The following DYM variants were observed in gnomAD, a reference collection of about 807,000 sequenced individuals.
The protein encoded by DYM is dymeclin.
A neutral mutation model predicts 93.1 loss-of-function variants in DYM; 78 were observed. The ratio of observed to expected loss-of-function variants is 0.84; its 90% CI spans 0.70 to 1.01. DYM has a LOEUF of 1.01. DYM is among the 50% of genes least tolerant of loss of function. The pLI, the probability that DYM is intolerant of heterozygous loss-of-function variation, is 0.00. For missense variants in DYM, 789 were observed against 845.0 expected (o/e 0.93, Z 0.82); for synonymous variants, 321 against 319.7 (o/e 1.00, Z -0.04).
chr18:49,365,045 C>T (rs992860439), intron 5 of DYM, among the ~76,000 whole-genome samples: 1 of 152,074 alleles, frequency 6.6e-6, no homozygotes, highest in African/African-American at 2.4e-5. Context: ...AGGATGATGA[C>T]TCACAAAGAG....
Position 49,192,473 on chromosome 18 carries a change from T to C in DYM, c.1625+17078A>G, listed in dbSNP as rs536058649. ...TAGGTGGTGTGAGGTAAGGGTTCGA[T>C]TTCCCTCTTTTGCATATGGATATCC... On this transcript the variant is annotated intron_variant, in intron 14 of 17. Coordinates refer to ENST00000675505, the MANE Select transcript of DYM (RefSeq NM_001353214.3). Among the ~76,000 whole-genome samples the C allele has an allele frequency of 2.2e-4, 33 of 152,304 alleles. 1 individual carries two copies. In the East Asian group the frequency reaches 5.8e-3, roughly 27 times the overall value.
chr18:49,356,635 T>A (rs1222136390), intron 6 of DYM, among the ~76,000 whole-genome samples: 1 of 152,114 alleles, frequency 6.6e-6, no homozygotes, highest in African/African-American at 2.4e-5. Flanking sequence ...CAACCATGGG[T>A]CTCTCCTGTA....
At chr18:49,233,161 G>C (rs2093760223) in intron 13 of DYM, among the ~76,000 whole-genome samples, 1 of 151,854 alleles carries the variant, frequency 6.6e-6, no homozygotes. Flanking sequence ...CAGGAGTTGA[G>C]ACCAGCCTGG....
intron 2 of DYM, chr18:49,412,955 T>G (rs957786690): frequency 6.6e-6 from 1 of 152,204 alleles, no homozygotes; most frequent in African/African-American, 2.4e-5. Context: ...GTGAAAATAC[T>G]AAACAGATTA....
intron 13 of DYM, among the ~76,000 whole-genome samples, chr18:49,233,251 C>T (rs1487181601): frequency 2.6e-5 from 4 of 151,222 alleles, no homozygotes; most frequent in South Asian, 2.1e-4. Context: ...CCCAGCTACC[C>T]GGGAGGCTGA....
chr18:49,197,561 C>T (rs1210216063), intron 14 of DYM, among the ~76,000 whole-genome samples: 1 of 151,940 alleles, frequency 6.6e-6, no homozygotes, highest in Non-Finnish European at 1.5e-5. Context: ...CAGAAACATA[C>T]TAAGTTAGAA....
At chr18:49,320,160 A>G (rs1183379837) in intron 8 of DYM, among the ~76,000 whole-genome samples, 1 of 152,206 alleles carries the variant, frequency 6.6e-6, no homozygotes, top group East Asian at 1.9e-4. Flanking sequence ...CTTACCTAGC[A>G]CTTCTGGAAG....
intron 8 of DYM, among the ~76,000 whole-genome samples, chr18:49,307,624 A>C (rs1052719684): frequency 1.6e-4 from 24 of 152,322 alleles, no homozygotes; most frequent in Admixed American, 1.3e-3. Context: ...GCAGTGCCCC[A>C]AGAATACTCC....
intron 17 of DYM, among the ~76,000 whole-genome samples, chr18:49,067,227 T>C (rs2076491190): frequency 1.4e-5 from 1 of 71,410 alleles, no homozygotes; most frequent in African/African-American, 5.6e-5. Flanking sequence ...GCAGGTTCAG[T>C]AGAGGAAGGA....
intron 15 of DYM, among the ~76,000 whole-genome samples, chr18:49,141,302 C>A (rs753023037): frequency 2.2e-4 from 33 of 152,260 alleles, no homozygotes; most frequent in Middle Eastern, 6.8e-3. Context: ...CTCCACAGTG[C>A]TTTTTTCAAA....
At chr18:49,426,289 C>T (rs1169817601) in intron 2 of DYM, among the ~76,000 whole-genome samples, 3 of 151,190 alleles carry the variant, frequency 2.0e-5, no homozygotes, top group African/African-American at 4.9e-5. Context: ...AGCAAACCAT[C>T]GCAAGGACAG....
intron 10 of DYM, among the ~76,000 whole-genome samples, chr18:49,273,957 G>A (rs1040473457): frequency 6.6e-6 from 1 of 151,878 alleles, no homozygotes; most frequent in Non-Finnish European, 1.5e-5. Flanking sequence ...TAAGTAACGG[G>A]TCCAATGAGA....
intron 10 of DYM, among the ~76,000 whole-genome samples, chr18:49,280,535 T>A (rs2094944104): frequency 6.6e-6 from 1 of 152,176 alleles, no homozygotes; most frequent in Non-Finnish European, 1.5e-5. Context: ...TTGAGATTTT[T>A]GGAAGACCTG....
chr18:49,357,923 G>A (rs2065707162), intron 6 of DYM, among the ~76,000 whole-genome samples: 1 of 152,216 alleles, frequency 6.6e-6, no homozygotes, highest in Non-Finnish European at 1.5e-5. Flanking sequence ...GCCAAGGCAG[G>A]AGGGTTGCTT....
At chr18:49,259,148 GCCCTCTCTCTTAAGAAGAGGCACACATC>G (rs1393640256) in intron 11 of DYM, among the ~76,000 whole-genome samples, 2 of 152,032 alleles carry the variant, frequency 1.3e-5, no homozygotes, top group Non-Finnish European at 2.9e-5. Context: ...GCTGATTCTT[GCCCTCTCTCTTAAGAAGAGGCACACATC>G]CACAGAGTAC....
At chr18:49,428,554 A>G (rs1429338822) in intron 2 of DYM, among the ~76,000 whole-genome samples, 1 of 152,160 alleles carries the variant, frequency 6.6e-6, no homozygotes, top group African/African-American at 2.4e-5. Context: ...GCATGAAGGC[A>G]TGCAACCGTT....
At chr18:49,228,740 C>G (rs1460701153) in intron 13 of DYM, among the ~76,000 whole-genome samples, 1 of 152,002 alleles carries the variant, frequency 6.6e-6, no homozygotes, top group African/African-American at 2.4e-5. Context: ...AAAGTTGTAA[C>G]TGTTGGATAT....
chr18:49,166,410 GT>G (rs925265799), intron 14 of DYM, among the ~76,000 whole-genome samples: 1 of 152,022 alleles, frequency 6.6e-6, no homozygotes, highest in African/African-American at 2.4e-5. Flanking sequence ...CACTGCAATT[GT>G]TTCCAAATTT....
In DYM at chr18:49,071,187, CTG is replaced by C. The variant is rs2076857240; in HGVS notation, c.2025+26213_2025+26214del. Reference sequence around the variant, plus strand: ...TGTTGAATGCATGAATTTGATAAGACTGATATTTATTTAATGGCAGAGGCTGC... The same window carrying C: ...TGTTGAATGCATGAATTTGATAAGACATATTTATTTAATGGCAGAGGCTGC... On this transcript the variant is annotated intron_variant, in intron 17 of 17. Coordinates refer to ENST00000675505, the MANE Select transcript of DYM (RefSeq NM_001353214.3). 3.3e-5 allele frequency among the ~76,000 whole-genome samples: 5 copies of C among 152,148 alleles called. No individual in the cohort carries two copies. The South Asian group carries it at 1.0e-3, about 32-fold the overall frequency.
Sources: gnomAD v4.1 joint callset for allele counts (sites outside exome capture counted in the v4.1 genomes callset) on GRCh38, gnomAD v4.1.1 for gene constraint, MANE v1.5 for transcripts, NCBI Gene and HGNC (gene_info 2026-07-23, HGNC 2026-07-21) for gene names.